The following ATP2A2 variants were observed in gnomAD, a reference collection of about 807,000 sequenced individuals.
ATP2A2 encodes the protein sarcoplasmic/endoplasmic reticulum calcium ATPase 2.
Under a neutral mutation model 109.3 loss-of-function variants are expected in ATP2A2, and 14 were observed. The observed-to-expected ratio is 0.13, with a 90% confidence interval of 0.08 to 0.20. The LOEUF is 0.20. ATP2A2 is among the 10% of genes least tolerant of loss of function. The pLI is 1.00. For synonymous variants in ATP2A2, 506 were observed against 490.9 expected (o/e 1.03, Z -0.41); for missense variants, 657 against 1,321.6 (o/e 0.50, Z 7.80).
chr12:110,331,085 A>C (rs963430934), intron 8 of ATP2A2: 2 of 151,850 alleles, frequency 1.3e-5, no homozygotes, highest in Non-Finnish European at 2.9e-5. Flanking sequence ...CTCTACTAAT[A>C]TTACAAAAAT....
chr12:110,304,690 A>T (rs1488266148), intron 5 of ATP2A2, among the ~76,000 whole-genome samples: 1 of 152,072 alleles, frequency 6.6e-6, no homozygotes, highest in Non-Finnish European at 1.5e-5. Context: ...TTTTTTCCCC[A>T]TTCTATAGGG....
intron 5 of ATP2A2, among the ~76,000 whole-genome samples, chr12:110,313,705 C>CTTTTTTTTTTTTTTTT (rs137984643): frequency 8.9e-6 from 1 of 111,904 alleles, no homozygotes; most frequent in African/African-American, 3.5e-5. Context: ...GATAATGGAA[C>CTTTTTTTTTTTTTTTT]TTTTTTTTTT....
intron 5 of ATP2A2, among the ~76,000 whole-genome samples, chr12:110,316,002 G>A (rs1397916386): frequency 3.3e-5 from 5 of 152,144 alleles, no homozygotes; most frequent in Admixed American, 1.3e-4. Context: ...CAGGAAAATC[G>A]CCTGAACCTG....
At chr12:110,289,122 A>T (rs1031290817) in intron 3 of ATP2A2, among the ~76,000 whole-genome samples, 2 of 152,192 alleles carry the variant, frequency 1.3e-5, no homozygotes, top group South Asian at 2.1e-4. Flanking sequence ...TCTAGCTATC[A>T]GGGGATGTTG....
chr12:110,309,561 A>G (rs1198488680), intron 5 of ATP2A2, among the ~76,000 whole-genome samples: 1 of 152,176 alleles, frequency 6.6e-6, no homozygotes, highest in Non-Finnish European at 1.5e-5. Flanking sequence ...TATCTAGAAC[A>G]CAAGAGCCAA....
chr12:110,306,725 A>G (rs1222761621), intron 5 of ATP2A2, among the ~76,000 whole-genome samples: 2 of 152,060 alleles, frequency 1.3e-5, no homozygotes, highest in Non-Finnish European at 2.9e-5. Context: ...CACATGGTGT[A>G]TATATACCAC....
chr12:110,302,870 T>C (rs1874832361), intron 5 of ATP2A2, among the ~76,000 whole-genome samples: 1 of 152,200 alleles, frequency 6.6e-6, no homozygotes, highest in Non-Finnish European at 1.5e-5. Flanking sequence ...GTGCTGGGAT[T>C]ACAGGCGTGA....
chr12:110,323,348 C>T (rs1001733467), intron 6 of ATP2A2, among the ~76,000 whole-genome samples: 2 of 152,132 alleles, frequency 1.3e-5, no homozygotes, highest in Non-Finnish European at 2.9e-5. Context: ...CCATGCCCAG[C>T]TAATTTTTGT....
intron 8 of ATP2A2, among the ~76,000 whole-genome samples, chr12:110,329,196 GA>G (rs1320213852): frequency 6.6e-6 from 1 of 152,142 alleles, no homozygotes; most frequent in African/African-American, 2.4e-5. Context: ...TATTATAAAT[GA>G]TATGTAAATA....
At chr12:110,285,466 T>A (rs1351054299) in intron 3 of ATP2A2, among the ~76,000 whole-genome samples, 1 of 152,178 alleles carries the variant, frequency 6.6e-6, no homozygotes, top group East Asian at 1.9e-4. Flanking sequence ...CCTGCTTTGT[T>A]AAGATATTTA....
chr12:110,345,957 C>T, intron 18 of ATP2A2, 44 bp from the exon 19 acceptor site: 8 of 1,587,448 alleles, frequency 5.0e-6, no homozygotes, highest in Non-Finnish European at 6.9e-6. Context: ...GTGACACGTG[C>T]CTTGCCTTGG....
chr12:110,283,105 G>A (rs188425872), intron 3 of ATP2A2, among the ~76,000 whole-genome samples: 2 of 152,318 alleles, frequency 1.3e-5, no homozygotes, highest in East Asian at 1.9e-4. Flanking sequence ...AGCCTTTAAT[G>A]TTTTGGGTTC....
chr12:110,317,396 A>G (rs1432536059), intron 5 of ATP2A2, among the ~76,000 whole-genome samples: 2 of 150,364 alleles, frequency 1.3e-5, no homozygotes, highest in African/African-American at 4.9e-5. Context: ...TTAAAAAAAT[A>G]ATGCTGATTT....
intron 11 of ATP2A2, 29 bp downstream of exon 11, chr12:110,334,172 A>G (rs141199152): frequency 9.0e-5 from 145 of 1,612,832 alleles, no homozygotes; most frequent in Non-Finnish European, 1.1e-4. Context: ...TTTATTGTTC[A>G]TGCTGCTTAT....
intron 4 of ATP2A2, among the ~76,000 whole-genome samples, chr12:110,293,810 T>C (rs1873617957): frequency 6.6e-6 from 1 of 150,728 alleles, no homozygotes; most frequent in Non-Finnish European, 1.5e-5. Context: ...TAGAGATTTG[T>C]AATTGTGCCA....
In ATP2A2 at chr12:110,346,293, G is replaced by A; in HGVS notation, c.2952G>A (p.Lys984=). ...TGATTCTCATGGATGAGACGCTCAA[G>A]TTTGTGGCCCGCAACTACCTGGAAC... is the stretch of plus-strand genomic sequence containing the variant. ...LPVILMDETL[K]FVARNYLEPG... Residue 984 remains lysine (K), a synonymous_variant, in exon 20 of 20, where the codon AAG becomes AAA. Coordinates refer to ENST00000539276, the MANE Select transcript of ATP2A2 (RefSeq NM_170665.4). The A allele has an allele frequency of 6.2e-7, 1 of 1,614,194 alleles. No homozygotes were observed. Among genetic ancestry groups the A allele is most frequent in the Non-Finnish European group, 8.5e-7 (1 of 1,180,040 alleles).
intron 4 of ATP2A2, among the ~76,000 whole-genome samples, chr12:110,293,005 C>A (rs1223871840): frequency 1.3e-5 from 2 of 152,162 alleles, no homozygotes; most frequent in African/African-American, 4.8e-5. Context: ...GACTCTGAGA[C>A]TTAAAATTCA....
chr12:110,319,593 GTATAAA>G, intron 5 of ATP2A2, among the ~76,000 whole-genome samples: 1 of 148,910 alleles, frequency 6.7e-6, no homozygotes, highest in South Asian at 2.1e-4. Flanking sequence ...TATAATGCCA[GTATAAA>G]TATAATCTTT....
chr12:110,305,002 C>T (rs1003512252), intron 5 of ATP2A2, among the ~76,000 whole-genome samples: 9 of 151,866 alleles, frequency 5.9e-5, no homozygotes, highest in Admixed American at 4.6e-4. Flanking sequence ...GGCATGATCT[C>T]GGCTCAGTGC....
Sources: gnomAD v4.1 joint callset for allele counts (sites outside exome capture counted in the v4.1 genomes callset) on GRCh38, gnomAD v4.1.1 for gene constraint, MANE v1.5 for transcripts, NCBI Gene and HGNC (gene_info 2026-07-23, HGNC 2026-07-21) for gene names.